CACNA1B: variants seen among roughly 807,000 people sequenced by gnomAD.
CACNA1B encodes the protein calcium voltage-gated channel subunit alpha1 B.
A neutral mutation model predicts 247.2 loss-of-function variants in CACNA1B; 70 were observed. That is an observed-to-expected ratio of 0.28 (90% confidence interval 0.23 to 0.35). CACNA1B has a LOEUF of 0.35. CACNA1B is among the 10% of genes least tolerant of loss of function. CACNA1B has a pLI of 1.00. For missense variants in CACNA1B, 2,367 were observed against 3,197.4 expected (o/e 0.74, Z 6.26); for synonymous variants, 1,231 against 1,294.4 (o/e 0.95, Z 1.05).
At chr9:137,892,268 C>G in intron 3 of CACNA1B, 2 of 456,786 alleles carry the variant, frequency 4.4e-6, no homozygotes, top group Non-Finnish European at 8.8e-6. Flanking sequence ...GGTCCAAGAT[C>G]AGGGTGTTGG....
At chr9:137,989,302 G>A (rs1467544960) in intron 15 of CACNA1B, among the ~76,000 whole-genome samples, 1 of 152,172 alleles carries the variant, frequency 6.6e-6, no homozygotes, top group Non-Finnish European at 1.5e-5. Context: ...CGTACGCCGG[G>A]TGTGATCAGA....
chr9:138,016,748 G>A lies in CACNA1B; in HGVS notation c.2267+3513G>A, dbSNP rs542707551. 2.0e-4 allele frequency among the ~76,000 whole-genome samples: 31 copies of A among 152,294 alleles called. No individual in the cohort carries two copies. In the South Asian group the frequency reaches 4.1e-3, roughly 20 times the overall value. ...GCCCCATCTTGAGGGCCGGGAGACC[G>A]TGCAGTCAGCCTCCCGCCGCAGGGT... On this transcript the variant is annotated intron_variant, in intron 18 of 46. Coordinates refer to ENST00000371372, the MANE Select transcript of CACNA1B (RefSeq NM_000718.4).
intron 12 of CACNA1B, among the ~76,000 whole-genome samples, chr9:137,982,040 T>A (rs531427449): frequency 6.6e-6 from 1 of 152,328 alleles, no homozygotes; most frequent in Admixed American, 6.5e-5. Context: ...ATCACCCCAC[T>A]TCTGATTCCA....
Position 138,073,839 on chromosome 9 carries a change from A to G in CACNA1B, c.4792-162A>G, listed in dbSNP as rs1297772162. The stretch of plus-strand genomic sequence containing the variant: ...GGTTTCATGACTCCGAGTTAGAGAT[A>G]AAGAAACTGGGGCATCACTTGGTGG... On this transcript the variant is annotated intron_variant, in intron 33 of 46. Transcript: ENST00000371372. This position sits in a 1 kb window ranked among gnomAD's most constrained non-coding sequence, Gnocchi z 6.4. Among the ~76,000 whole-genome samples, 1 of 152,220 alleles carries G rather than the reference A, an allele frequency of 6.6e-6. No homozygotes were observed. The highest frequency in any genetic ancestry group is 1.5e-5 in the Non-Finnish European group (1 of 68,044).
In CACNA1B at chr9:137,952,226, A is replaced by G; in HGVS notation, c.967-48A>G. 3 of 1,474,536 alleles carry G rather than the reference A, an allele frequency of 2.0e-6. No individual in the cohort carries two copies. Among genetic ancestry groups the G allele is most frequent in the Non-Finnish European group, 9.5e-7 (1 of 1,053,916 alleles). 91.3% of individuals were successfully genotyped at this position (1,474,536 alleles called of 1,614,324 possible). A position where few individuals can be genotyped will look rare whatever the true frequency, so the allele number is the denominator to read the frequency against. On this transcript the variant is annotated intron_variant, in intron 6 of 46. Transcript: ENST00000371372. This position sits in a 1 kb window ranked among gnomAD's most constrained non-coding sequence, Gnocchi z 4.8. ...GGCTGGGGGTGCTCCTGTGGCCGGG[A>G]CTGTGTTTTGTCCCTGTCCTTCCTC...
intron 32 of CACNA1B, among the ~76,000 whole-genome samples, chr9:138,070,742 C>T (rs1960100313): frequency 6.6e-6 from 1 of 152,248 alleles, no homozygotes; most frequent in African/African-American, 2.4e-5. Context: ...AGCGTCACCT[C>T]CTCAGAGAGC....
chr9:138,094,399 A>G (rs1028170415), intron 36 of CACNA1B, among the ~76,000 whole-genome samples: 1 of 149,392 alleles, frequency 6.7e-6, no homozygotes, highest in African/African-American at 2.4e-5. Context: ...ACACTTAAAA[A>G]TTGTTAAAAT....
In CACNA1B at chr9:138,073,464, G is replaced by A. The variant is rs1384008922; in HGVS notation, c.4675-24G>A. The stretch of plus-strand genomic sequence containing the variant: ...GCGCTTTCGGGGCTTCTGAAGGTCA[G>A]AGAACAATTCCTCTTCTCTGCAGAA... On this transcript the variant is annotated intron_variant, in intron 32 of 46. Coordinates refer to ENST00000371372, the MANE Select transcript of CACNA1B (RefSeq NM_000718.4). The surrounding 1 kb of genome is among the most constrained non-coding windows in gnomAD (Gnocchi z 6.4). 6.7e-7 allele frequency: 1 copy of A among 1,497,932 alleles called. No individual in the cohort carries two copies. The highest frequency in any genetic ancestry group is 1.1e-5 in the South Asian group (1 of 88,626). The allele number at this position is 1,497,932 out of a possible 1,614,324, so 92.8% of individuals were successfully genotyped here.
chr9:137,916,312 C>T (rs1420953866), intron 5 of CACNA1B, among the ~76,000 whole-genome samples: 2 of 152,164 alleles, frequency 1.3e-5, no homozygotes, highest in Non-Finnish European at 1.5e-5. Context: ...GGATTACAGG[C>T]GTGAGCCACC....
At chr9:138,067,156 AT>A (rs1323257194) in intron 31 of CACNA1B, among the ~76,000 whole-genome samples, 1 of 152,192 alleles carries the variant, frequency 6.6e-6, no homozygotes, top group African/African-American at 2.4e-5. Flanking sequence ...AAAAATATAA[AT>A]GACTGAATGT....
Position 138,075,860 on chromosome 9 carries a change from C to A in CACNA1B, c.4899C>A (p.Asn1633Lys). ...CCCTGGATGATGACACCAGCATCAA[C>A]CGCCACAACAACTTCCGGACGTTTT... ...NIALDDDTSI[N>K]RHNNFRTFLQ... The change falls in exon 35 of 47, where the codon AAC becomes AAA. Residue 1633 changes from asparagine to lysine, a missense_variant. Around this residue, in one of 12 missense-constraint regions of CACNA1B, gnomAD observed 436 missense variants for 679.5 expected, o/e 0.64. Transcript: ENST00000371372. The A allele has an allele frequency of 6.2e-7, 1 of 1,612,706 alleles. No homozygotes were observed. The highest frequency in any genetic ancestry group is 8.5e-7 in the Non-Finnish European group (1 of 1,179,226).
intron 15 of CACNA1B, among the ~76,000 whole-genome samples, chr9:138,006,395 C>T (rs1451852194): frequency 6.6e-6 from 1 of 152,192 alleles, no homozygotes; most frequent in Non-Finnish European, 1.5e-5. Flanking sequence ...CTGTGAACCT[C>T]GGCTTCCTTG....
At position 138,023,153 on chromosome 9, in the gene CACNA1B, C is replaced by T. The variant is rs1193361786; in HGVS notation, c.2410C>T (p.His804Tyr). The T allele has an allele frequency of 6.5e-7, 1 of 1,536,138 alleles. No homozygotes were observed. The highest frequency in any genetic ancestry group is 8.7e-7 in the Non-Finnish European group (1 of 1,149,294). ...EERLRFATTR[H>Y]LRPDMKTHLD... ...GCGGCTGCGCTTCGCCACTACGCGC[C>T]ACCTGCGGCCCGACATGAAGACGCA... The change falls in exon 19 of 47, where the codon CAC becomes TAC. Residue 804 changes from histidine (H) to tyrosine (Y), a missense_variant. Physicochemically the swap from His to Tyr is moderately conservative, Grantham distance 83 (BLOSUM62 2). Transcript: ENST00000371372.
chr9:138,040,568 A>G (rs1340889414), intron 20 of CACNA1B: 1 of 436,448 alleles, frequency 2.3e-6, no homozygotes, highest in Admixed American at 2.4e-5. Context: ...GGCCGTCTGC[A>G]AGCTGAGGAG....
chr9:138,058,520 G>C lies in CACNA1B; in HGVS notation c.4309-49G>C. The C allele has an allele frequency of 1.3e-6, 2 of 1,542,798 alleles. No individual in the cohort carries two copies. Among genetic ancestry groups the C allele is most frequent in the Non-Finnish European group, 1.8e-6 (2 of 1,135,602 alleles). ...AGGGCTGGGTGCAGTAGATGCCGTC[G>C]GGTAGGTTTTCTGCTTCTGAGTCTC... On this transcript the variant is annotated intron_variant, in intron 28 of 46. Coordinates refer to ENST00000371372, the MANE Select transcript of CACNA1B (RefSeq NM_000718.4). The surrounding 1 kb of genome is among the most constrained non-coding windows in gnomAD (Gnocchi z 4.7).
rs1958722604 is a variant in CACNA1B at position 138,011,394 on chromosome 9, T to A, written c.2160+1317T>A. 6.6e-6 allele frequency among the ~76,000 whole-genome samples: 1 copy of A among 152,178 alleles called. No individual in the cohort carries two copies. The highest frequency in any genetic ancestry group is 1.5e-5 in the Non-Finnish European group (1 of 68,042). On this transcript the variant is annotated intron_variant, in intron 17 of 46. Coordinates refer to ENST00000371372, the MANE Select transcript of CACNA1B (RefSeq NM_000718.4). The surrounding 1 kb of genome is among the most constrained non-coding windows in gnomAD (Gnocchi z 4.2). ...CCCCTTTTGTGTAACTGGCCTCATT[T>A]AGGAATTTCTTCTCTGAGGATCGGG...
chr9:138,021,941 T>C (rs1003360676), intron 18 of CACNA1B, among the ~76,000 whole-genome samples: 4 of 152,242 alleles, frequency 2.6e-5, no homozygotes, highest in Non-Finnish European at 5.9e-5. Flanking sequence ...ATGAGGTTTC[T>C]CCCTGGCGAT....
At chr9:137,987,431 C>A (rs187757411) in intron 15 of CACNA1B, among the ~76,000 whole-genome samples, 36 of 152,324 alleles carry the variant, frequency 2.4e-4, no homozygotes, top group African/African-American at 8.4e-4. Flanking sequence ...AGGCTGTGGC[C>A]CCACAGTCCT....
chr9:138,024,650 A>G (rs1958897919), intron 19 of CACNA1B, among the ~76,000 whole-genome samples: 1 of 152,092 alleles, frequency 6.6e-6, no homozygotes, highest in South Asian at 2.1e-4. Context: ...TTATTATTGG[A>G]GACAGGACCG....
Sources: allele counts gnomAD v4.1 joint callset (sites outside exome capture counted in the v4.1 genomes callset), GRCh38; gene constraint gnomAD v4.1.1; regional missense constraint gnomAD v4.1.1; non-coding constraint Gnocchi (gnomAD v3.1); transcripts MANE v1.5; gene names NCBI Gene and HGNC (gene_info 2026-07-23, HGNC 2026-07-21).